The following KLHL8 variants were observed in gnomAD, a reference collection of about 807,000 sequenced individuals.
KLHL8 encodes kelch like family member 8, also known as kelch-like protein 8.
A neutral mutation model predicts 63.5 loss-of-function variants in KLHL8; 38 were observed. The observed-to-expected ratio is 0.60, with a 90% CI of 0.46 to 0.78. The LOEUF (loss-of-function observed/expected upper bound fraction) is 0.78, where lower values mean the gene tolerates loss of function less well. KLHL8 is among the 30% of genes least tolerant of loss of function. The probability of loss-of-function intolerance (pLI) is 0.00; values close to 1 mark genes in which losing one functional copy is unlikely to be tolerated. For synonymous variants in KLHL8, 224 were observed against 254.3 expected (o/e 0.88, Z 1.13); for missense variants, 566 against 752.4 (o/e 0.75, Z 2.90).
chr4:87,160,302 G>A lies in KLHL8; in HGVS notation c.*3217C>T. The A allele has an allele frequency of 6.6e-6, 1 of 152,098 alleles. No homozygotes were observed. 9.4% of individuals were successfully genotyped at this position (152,098 alleles called of 1,614,324 possible). A position where few individuals can be genotyped will look rare whatever the true frequency, so the allele number is the denominator to read the frequency against. On this transcript the variant is annotated 3_prime_UTR_variant, in exon 10 of 10. Coordinates refer to ENST00000273963, the MANE Select transcript of KLHL8 (RefSeq NM_020803.5). ...ACTGACACTTGGAATTTTACATGAA[G>A]GGGAAAGAGACATAGCCAATGGCAT...
upstream of KLHL8, chr4:87,220,680 C>T (rs1399435687): frequency 1.3e-5 from 2 of 151,782 alleles, no homozygotes; most frequent in Non-Finnish European, 2.9e-5. Flanking sequence ...TTCTCGGGAC[C>T]TCCTCCCCGA....
intron 1 of KLHL8, among the ~76,000 whole-genome samples, chr4:87,217,710 A>G (rs1019746942): frequency 6.7e-6 from 1 of 150,366 alleles, no homozygotes; most frequent in Admixed American, 6.6e-5. Context: ...GATGGTCTCA[A>G]ACTCCTGGGC....
chr4:87,170,224 TG>T lies in KLHL8; in HGVS notation c.1391del (p.Ala464GlufsTer2). The T allele has an allele frequency of 6.2e-7, 1 of 1,611,092 alleles. No individual in the cohort carries two copies. ...AAGCCATTCCATCATTGCCACCTAC[TG>T]CATAAACATGGTTCTAAATGAAGAG... ...GSVALVNHVY[A>X]VGGNDGMASL... On this transcript the variant is annotated frameshift_variant, in exon 8 of 10. Coordinates refer to ENST00000273963, the MANE Select transcript of KLHL8 (RefSeq NM_020803.5). LOFTEE classifies it high-confidence loss of function.
chr4:87,193,881 C>T (rs114348298), intron 2 of KLHL8, among the ~76,000 whole-genome samples: 1 of 152,066 alleles, frequency 6.6e-6, no homozygotes, highest in Admixed American at 6.6e-5. Context: ...ATGATTATAC[C>T]CCTTTCTGAG....
chr4:87,168,021 G>A (rs550025017), intron 8 of KLHL8, among the ~76,000 whole-genome samples: 123 of 152,208 alleles, frequency 8.1e-4, no homozygotes, highest in Admixed American at 1.6e-3. Flanking sequence ...ATGCTCACTT[G>A]GCTCTCTTTA....
intron 1 of KLHL8, among the ~76,000 whole-genome samples, chr4:87,238,988 C>T (rs10029254): frequency 0.18 from 27,508 of 152,048 alleles, 3,121 homozygotes; most frequent in East Asian, 0.43. Flanking sequence ...AATATTGTTT[C>T]GAGACACCTA....
intron 6 of KLHL8, among the ~76,000 whole-genome samples, chr4:87,171,188 C>T (rs955790554): frequency 6.6e-6 from 1 of 151,730 alleles, no homozygotes; most frequent in African/African-American, 2.4e-5. Flanking sequence ...AAAAAAAAAA[C>T]TCAATTTCTT....
rs1560684919 is a variant in KLHL8, at chr4:87,161,413, T to C, written c.*2106A>G. 1 of 152,180 alleles carries C rather than the reference T, an allele frequency of 6.6e-6. No individual in the cohort carries two copies. The highest frequency in any genetic ancestry group is 1.5e-5 in the Non-Finnish European group (1 of 68,024). 9.4% of individuals were successfully genotyped at this position (152,180 alleles called of 1,614,324 possible). On this transcript the variant is annotated 3_prime_UTR_variant, in exon 10 of 10. Transcript: ENST00000273963. ...TCTGATTGCCCACACACTTTACTTC[T>C]GAGTATTTCATATTTTACGGGTAGG...
intron 1 of KLHL8, among the ~76,000 whole-genome samples, chr4:87,238,885 C>T (rs1733281169): frequency 6.6e-6 from 1 of 152,130 alleles, no homozygotes; most frequent in Admixed American, 6.5e-5. Flanking sequence ...TGCTATCTGC[C>T]TATATTTTAT....
intron 1 of KLHL8, among the ~76,000 whole-genome samples, chr4:87,210,826 G>T (rs561434456): frequency 1.3e-5 from 2 of 152,216 alleles, no homozygotes; most frequent in Non-Finnish European, 2.9e-5. Flanking sequence ...CATCTTCTAA[G>T]ATCAGCCCAG....
At chr4:87,205,201 G>A (rs1732074830) in intron 1 of KLHL8, among the ~76,000 whole-genome samples, 1 of 152,178 alleles carries the variant, frequency 6.6e-6, no homozygotes, top group Non-Finnish European at 1.5e-5. Context: ...GGGCCCAGGA[G>A]TTCAAGACCA....
At chr4:87,211,167 T>C (rs1193182562) in intron 1 of KLHL8, among the ~76,000 whole-genome samples, 3 of 152,198 alleles carry the variant, frequency 2.0e-5, no homozygotes, top group Non-Finnish European at 4.4e-5. Flanking sequence ...CACTAGAGAT[T>C]ATTTTTCTAC....
At chr4:87,224,976 C>T (rs1210662416), upstream of KLHL8, among the ~76,000 whole-genome samples, 1 of 152,058 alleles carries the variant, frequency 6.6e-6, no homozygotes, top group Non-Finnish European at 1.5e-5. Context: ...GGGGATTTTG[C>T]TATGTTGCCA....
At chr4:87,216,495 T>G (rs1732601161) in intron 1 of KLHL8, among the ~76,000 whole-genome samples, 2 of 152,158 alleles carry the variant, frequency 1.3e-5, no homozygotes, top group South Asian at 4.1e-4. Context: ...AATTTAATTT[T>G]TCCCCAGAAA....
chr4:87,195,237 A>C, intron 2 of KLHL8, 87 bp downstream of exon 2: 1 of 1,013,038 alleles, frequency 9.9e-7, no homozygotes, highest in Non-Finnish European at 1.4e-6. Flanking sequence ...GTATAGCAAC[A>C]AAATTTGCCT....
intron 1 of KLHL8, among the ~76,000 whole-genome samples, chr4:87,217,519 G>T (rs1035228155): frequency 2.1e-4 from 32 of 151,818 alleles, no homozygotes; most frequent in African/African-American, 5.6e-4. Flanking sequence ...TCGTTTGTTT[G>T]TTTTTTTGTA....
At chr4:87,203,143 T>C (rs1167391910) in intron 1 of KLHL8, among the ~76,000 whole-genome samples, 2 of 152,156 alleles carry the variant, frequency 1.3e-5, no homozygotes, top group Non-Finnish European at 2.9e-5. Context: ...AGGCAAAGAC[T>C]GGAAAGAAAC....
At chr4:87,232,175 T>A (rs764198174) in intron 1 of KLHL8, among the ~76,000 whole-genome samples, 3 of 152,256 alleles carry the variant, frequency 2.0e-5, no homozygotes, top group Non-Finnish European at 4.4e-5. Flanking sequence ...TCTCCCATAG[T>A]AAACACTATC....
chr4:87,238,147 G>A (rs1281960484), intron 1 of KLHL8, among the ~76,000 whole-genome samples: 1 of 151,992 alleles, frequency 6.6e-6, no homozygotes, highest in Non-Finnish European at 1.5e-5. Context: ...TGTTGGCCAG[G>A]CTGGTCTCAA....
Sources: allele counts gnomAD v4.1 joint callset (sites outside exome capture counted in the v4.1 genomes callset), GRCh38; gene constraint gnomAD v4.1.1; transcripts MANE v1.5; gene names NCBI Gene and HGNC (gene_info 2026-07-23, HGNC 2026-07-21).